The following NEDD4L variants were observed in gnomAD, a reference collection of about 807,000 sequenced individuals.
NEDD4L encodes the protein E3 ubiquitin-protein ligase NEDD4-like.
In NEDD4L, 54 loss-of-function variants were observed where a neutral mutation model predicts 148.9. The ratio of observed to expected loss-of-function variants is 0.36; its 90% CI spans 0.29 to 0.45. The LOEUF (loss-of-function observed/expected upper bound fraction) is 0.45, where lower values mean the gene tolerates loss of function less well. NEDD4L is among the 20% of genes least tolerant of loss of function. The probability of loss-of-function intolerance (pLI) is 1.00; values close to 1 mark genes in which losing one functional copy is unlikely to be tolerated. For missense variants in NEDD4L, 856 were observed against 1,233.8 expected (o/e 0.69, Z 4.59); for synonymous variants, 433 against 440.7 (o/e 0.98, Z 0.22).
At chr18:58,321,445 GAAGA>G (rs1030126023) in intron 6 of NEDD4L, among the ~76,000 whole-genome samples, 67 of 152,358 alleles carry the variant, frequency 4.4e-4, no homozygotes, top group African/African-American at 1.6e-3. Context: ...TACAAGGAAG[GAAGA>G]GAGAGACTGG....
At chr18:58,323,431 C>A in intron 8 of NEDD4L, 97 bp downstream of exon 8, 1 of 716,872 alleles carries the variant, frequency 1.4e-6, no homozygotes, top group African/African-American at 1.8e-5. Context: ...GTTTAGAAAG[C>A]TTAAATATAA....
Position 58,374,274 on chromosome 18 carries a change from G to A in NEDD4L, c.2352+1005G>A, listed in dbSNP as rs1601838761. On this transcript the variant is annotated intron_variant, in intron 24 of 30. Coordinates refer to ENST00000400345, the MANE Select transcript of NEDD4L (RefSeq NM_001144967.3). ...TGTTATTCCCATGTCCTGTGTTTGA[G>A]CCAGGAGAGTTCAGTCTCTAGTGTG... 4.6e-5 allele frequency among the ~76,000 whole-genome samples: 7 copies of A among 152,290 alleles called. 1 individual carries two copies. In the South Asian group the frequency reaches 1.5e-3, roughly 32 times the overall value.
At chr18:58,390,521 T>G in intron 28 of NEDD4L, 125 bp from the exon 29 acceptor site, 1 of 622,072 alleles carries the variant, frequency 1.6e-6, no homozygotes, top group Non-Finnish European at 2.9e-6. Flanking sequence ...TACTCAGTTT[T>G]CAGAGTCAAC....
chr18:58,138,926 G>A (rs1490576539), intron 1 of NEDD4L, among the ~76,000 whole-genome samples: 1 of 152,190 alleles, frequency 6.6e-6, no homozygotes, highest in East Asian at 1.9e-4. Flanking sequence ...GACAGGGTTA[G>A]GCACTGTGTG....
intron 1 of NEDD4L, among the ~76,000 whole-genome samples, chr18:58,064,027 T>C: frequency 6.9e-6 from 1 of 145,350 alleles, no homozygotes; most frequent in South Asian, 2.2e-4. Flanking sequence ...TGCAGTGGCG[T>C]GATCTCGGCT....
At chr18:58,173,901 C>T (rs533238273) in intron 2 of NEDD4L, among the ~76,000 whole-genome samples, 3 of 152,250 alleles carry the variant, frequency 2.0e-5, no homozygotes, top group Non-Finnish European at 4.4e-5. Flanking sequence ...TGCATTTAAT[C>T]GGTGGGTCTA....
chr18:58,336,460 C>T (rs892668934), intron 13 of NEDD4L, among the ~76,000 whole-genome samples: 2 of 151,938 alleles, frequency 1.3e-5, no homozygotes, highest in Admixed American at 6.6e-5. Flanking sequence ...ACCTGTAGTC[C>T]CAGCTACTCG....
chr18:58,125,122 A>G (rs1262394683), intron 1 of NEDD4L, among the ~76,000 whole-genome samples: 2 of 152,062 alleles, frequency 1.3e-5, no homozygotes, highest in Non-Finnish European at 1.5e-5. Context: ...CTGGTCTCGA[A>G]CTCATGGCCT....
intron 1 of NEDD4L, among the ~76,000 whole-genome samples, chr18:58,123,786 A>AC (rs1469421204): frequency 6.6e-6 from 1 of 151,292 alleles, no homozygotes; most frequent in Non-Finnish European, 1.5e-5. Flanking sequence ...AGTCAGTGAG[A>AC]CCCCCTGTCT....
chr18:58,134,252 C>A (rs1215304196), intron 1 of NEDD4L, among the ~76,000 whole-genome samples: 1 of 152,088 alleles, frequency 6.6e-6, no homozygotes, highest in Non-Finnish European at 1.5e-5. Flanking sequence ...CCATCCGCCT[C>A]GGGCTCCCAA....
chr18:58,105,199 C>T (rs1365750563), intron 1 of NEDD4L, among the ~76,000 whole-genome samples: 1 of 152,134 alleles, frequency 6.6e-6, no homozygotes, highest in South Asian at 2.1e-4. Context: ...AGAAATCTGT[C>T]GGCAAGGAGA....
chr18:58,184,465 C>G (rs535926131), intron 2 of NEDD4L, among the ~76,000 whole-genome samples: 1 of 151,886 alleles, frequency 6.6e-6, no homozygotes, highest in Admixed American at 6.6e-5. Flanking sequence ...CACTAGCATC[C>G]GTCATCTTAG....
chr18:58,248,255 T>TG (rs1413234308), intron 3 of NEDD4L, among the ~76,000 whole-genome samples: 1 of 152,232 alleles, frequency 6.6e-6, no homozygotes, highest in Non-Finnish European at 1.5e-5. Context: ...AAGGTATCCT[T>TG]GCCATCTCCT....
intron 1 of NEDD4L, among the ~76,000 whole-genome samples, chr18:58,096,653 C>T (rs2084430518): frequency 6.6e-6 from 1 of 151,888 alleles, no homozygotes; most frequent in African/African-American, 2.4e-5. Flanking sequence ...ACCTTAGCCT[C>T]CCAAAGTGCT....
intron 2 of NEDD4L, among the ~76,000 whole-genome samples, chr18:58,240,634 G>A (rs924699566): frequency 1.3e-5 from 2 of 152,132 alleles, no homozygotes; most frequent in African/African-American, 4.8e-5. Context: ...ACCTTTGGAT[G>A]AGTAGTCAGT....
intron 1 of NEDD4L, among the ~76,000 whole-genome samples, chr18:58,143,940 A>G (rs2033828127): frequency 6.6e-6 from 1 of 152,188 alleles, no homozygotes; most frequent in South Asian, 2.1e-4. Flanking sequence ...ATATTCCTTT[A>G]GGTATTATTA....
intron 1 of NEDD4L, among the ~76,000 whole-genome samples, chr18:58,060,608 A>T (rs2082289243): frequency 1.3e-5 from 2 of 152,076 alleles, no homozygotes; most frequent in African/African-American, 4.8e-5. Context: ...AAAAAAAGGG[A>T]GGTGTCTAGA....
chr18:58,048,464 A>G (rs2081696834), intron 1 of NEDD4L, among the ~76,000 whole-genome samples: 1 of 152,242 alleles, frequency 6.6e-6, no homozygotes, highest in African/African-American at 2.4e-5. Flanking sequence ...ATGAGGAATG[A>G]AAGCTCAAAG....
intron 1 of NEDD4L, among the ~76,000 whole-genome samples, chr18:58,088,725 C>T (rs1218259196): frequency 6.6e-6 from 1 of 152,040 alleles, no homozygotes. Flanking sequence ...CATCATAAAT[C>T]AGTATAAATA....
Sources: allele counts gnomAD v4.1 joint callset (sites outside exome capture counted in the v4.1 genomes callset), GRCh38; gene constraint gnomAD v4.1.1; transcripts MANE v1.5; gene names NCBI Gene and HGNC (gene_info 2026-07-23, HGNC 2026-07-21).